Variants in CDR2L observed in about 807,000 individuals in gnomAD.
CDR2L encodes cerebellar degeneration related protein 2 like, also known as cerebellar degeneration-related protein 2-like.
A neutral mutation model predicts 36.1 loss-of-function variants in CDR2L; 19 were observed. That is an observed-to-expected ratio of 0.53 (90% CI 0.37 to 0.77). CDR2L has a LOEUF of 0.77. Ranked by LOEUF, CDR2L falls within the 30% of genes least tolerant of loss-of-function variation. CDR2L has a pLI of 0.00. For missense variants in CDR2L, 575 were observed against 627.2 expected, an observed-to-expected ratio of 0.92 and a Z score of 0.89; for synonymous variants, 285 against 280.4, an observed-to-expected ratio of 1.02 and a Z score of -0.16.
chr17:75,002,309 G>A lies in CDR2L; in HGVS notation c.506+81G>A. On this transcript the variant is annotated intron_variant, in intron 4 of 4. Coordinates refer to ENST00000337231, the MANE Select transcript of CDR2L (RefSeq NM_014603.3). This position sits in a 1 kb window ranked among gnomAD's most constrained non-coding sequence, Gnocchi z 4.1. ...AGGCAGCAGGCAGCAGGGTGCAGTT[G>A]GTGCATCATCCAGGCCATCAGAGAG... is the stretch of plus-strand genomic sequence containing the variant. 1 of 1,292,546 alleles carries A rather than the reference G, an allele frequency of 7.7e-7. No homozygotes were observed. The highest frequency in any genetic ancestry group is 1.1e-6 in the Non-Finnish European group (1 of 929,262). 80.1% of individuals were successfully genotyped at this position (1,292,546 alleles called of 1,614,324 possible). A position where few individuals can be genotyped will look rare whatever the true frequency, so the allele number is the denominator to read the frequency against.
At chr17:74,994,133 A>G (rs2039811990) in intron 1 of CDR2L, among the ~76,000 whole-genome samples, 1 of 152,140 alleles carries the variant, frequency 6.6e-6, no homozygotes, top group South Asian at 2.1e-4. Context: ...CTCCCCAGCT[A>G]TTATTTCTCA....
intron 1 of CDR2L, among the ~76,000 whole-genome samples, chr17:74,995,596 C>T (rs2039820228): frequency 6.6e-6 from 1 of 152,092 alleles, no homozygotes; most frequent in African/African-American, 2.4e-5. Context: ...AACCTGTTTC[C>T]CAGGTTCAAG....
At chr17:74,990,800 C>A (rs2039792088) in intron 1 of CDR2L, among the ~76,000 whole-genome samples, 1 of 152,242 alleles carries the variant, frequency 6.6e-6, no homozygotes, top group African/African-American at 2.4e-5. Context: ...GAGCACGGGC[C>A]AAAGGCCAGC....
At chr17:74,993,616 T>G (rs2039809400) in intron 1 of CDR2L, among the ~76,000 whole-genome samples, 1 of 152,232 alleles carries the variant, frequency 6.6e-6, no homozygotes, top group Admixed American at 6.5e-5. Context: ...AACTAGTTTT[T>G]TCTTGGCATC....
At position 75,003,164 on chromosome 17, in the gene CDR2L, G is replaced by A; in HGVS notation, c.507-19G>A. 1 of 1,554,060 alleles carries A rather than the reference G, an allele frequency of 6.4e-7. No individual in the cohort carries two copies. The highest frequency in any genetic ancestry group is 8.7e-7 in the Non-Finnish European group (1 of 1,149,804). ...CTCTCCTCCGCCCCCACCCCGCTGC[G>A]ACTCTCACTACCCGCCAGGTGCAAG... On this transcript the variant is annotated intron_variant, in intron 4 of 4. Coordinates refer to ENST00000337231, the MANE Select transcript of CDR2L (RefSeq NM_014603.3).
chr17:75,003,465 C>G lies in CDR2L; in HGVS notation c.789C>G (p.Tyr263Ter). 6.4e-7 allele frequency: 1 copy of G among 1,573,924 alleles called. No homozygotes were observed. The highest frequency in any genetic ancestry group is 8.6e-7 in the Non-Finnish European group (1 of 1,160,802). ...ELQQMKQAKT[Y>*]LLGPDDHLAE... The stretch of plus-strand genomic sequence containing the variant: ...AGCAGATGAAGCAGGCCAAGACCTA[C>G]CTACTGGGTCCGGACGACCACCTGG... Residue 263 changes from tyrosine (Y) to a stop codon, truncating the protein, a stop_gained, in exon 5 of 5, where the codon TAC becomes TAG. Transcript: ENST00000337231. LOFTEE classifies it high-confidence loss of function.
Position 75,003,567 on chromosome 17 carries a change from C to A in CDR2L, c.891C>A (p.Gly297=), listed in dbSNP as rs769287976. Residue 297 remains glycine, a synonymous_variant, in exon 5 of 5, where the codon GGC becomes GGA. Coordinates refer to ENST00000337231, the MANE Select transcript of CDR2L (RefSeq NM_014603.3). ...AGCCCGGCCGCGGGGACGACTTGGG[C>A]GCCCAGGACGGGGTCTCCTCACCGG... ...DPQPGRGDDL[G]AQDGVSSPAA... 2.3e-5 allele frequency: 34 copies of A among 1,509,508 alleles called. 1 individual carries two copies. The South Asian group carries it at 3.8e-4, about 17-fold the overall frequency. 93.5% of individuals were successfully genotyped at this position (1,509,508 alleles called of 1,614,324 possible). A position where few individuals can be genotyped will look rare whatever the true frequency, so the allele number is the denominator to read the frequency against.
chr17:74,993,327 G>A lies in CDR2L; in HGVS notation c.79+5205G>A, dbSNP rs558928390. Among the ~76,000 whole-genome samples the A allele has an allele frequency of 7.2e-5, 11 of 152,064 alleles. No individual in the cohort carries two copies. In the South Asian group the frequency reaches 2.1e-3, roughly 29 times the overall value. On this transcript the variant is annotated intron_variant, in intron 1 of 4. Transcript: ENST00000337231. ...GAGTCTTGGTCCATCGCCCAGGCTG[G>A]AGTTCAGTGGCACAATCTTGGCTCA... is the stretch of plus-strand genomic sequence containing the variant.
At position 74,993,253 on chromosome 17, in the gene CDR2L, C is replaced by T. The variant is rs183652468; in HGVS notation, c.79+5131C>T. On this transcript the variant is annotated intron_variant, in intron 1 of 4. Transcript: ENST00000337231. Reference sequence around the variant, plus strand: ...CTGAGTCCTGAGTTACTGCCATGCGCACAATATAGTACAGGGCTGTAGTTC... The same window carrying T: ...CTGAGTCCTGAGTTACTGCCATGCGTACAATATAGTACAGGGCTGTAGTTC... Among the ~76,000 whole-genome samples the T allele has an allele frequency of 6.0e-4, 91 of 152,008 alleles. 1 individual carries two copies. Among genetic ancestry groups the T allele is most frequent in the Middle Eastern group, 6.8e-3 (2 of 292 alleles).
intron 1 of CDR2L, among the ~76,000 whole-genome samples, chr17:74,991,704 G>A (rs557718056): frequency 1.3e-4 from 19 of 148,456 alleles, no homozygotes; most frequent in East Asian, 1.0e-3. Context: ...GCGACAGAGT[G>A]AGACTCTGTC....
chr17:75,000,262 G>A (rs1394046942), intron 2 of CDR2L, among the ~76,000 whole-genome samples: 4 of 151,814 alleles, frequency 2.6e-5, no homozygotes, highest in African/African-American at 4.8e-5. Flanking sequence ...GCAACAGAGC[G>A]AGACCCTGTC....
chr17:74,993,669 A>G (rs1173376755), intron 1 of CDR2L, among the ~76,000 whole-genome samples: 1 of 152,208 alleles, frequency 6.6e-6, no homozygotes, highest in Non-Finnish European at 1.5e-5. Flanking sequence ...GTTCTTACCT[A>G]TGATTTACAT....
In CDR2L at chr17:75,003,655, G is replaced by T. The variant is rs1474074423; in HGVS notation, c.979G>T (p.Ala327Ser). ...CGACACTGCGCTCAACGCCATCGTG[G>T]CCAAAGACCCAGCCAGCCGGCACGC... ...CSDTALNAIV[A>S]KDPASRHAGN... is the part of the protein sequence containing the mutation. The change falls in exon 5 of 5, where the codon GCC (alanine) becomes TCC (serine). Residue 327 changes from alanine to serine, a missense_variant. Physicochemically the swap from Ala to Ser is moderately conservative, Grantham distance 99. Coordinates refer to ENST00000337231, the MANE Select transcript of CDR2L (RefSeq NM_014603.3). 6.9e-7 allele frequency: 1 copy of T among 1,458,568 alleles called. No homozygotes were observed. The highest frequency in any genetic ancestry group is 2.5e-5 in the East Asian group (1 of 40,140). The allele number at this position is 1,458,568 out of a possible 1,614,324, so 90.4% of individuals were successfully genotyped here.
rs934092517 is a variant in CDR2L, at chr17:75,004,527, C to A, written c.*453C>A. 6.4e-6 allele frequency: 1 copy of A among 157,028 alleles called. No homozygotes were observed. The highest frequency in any genetic ancestry group is 2.4e-5 in the African/African-American group (1 of 41,434). The allele number at this position is 157,028 out of a possible 1,614,324, so 9.7% of individuals were successfully genotyped here. Reference sequence around the variant, plus strand: ...AACTGGAAACACTTGAAAGGGGACCCCAGGGCCAGCTGTTTCAGGGGTTTC... The same window carrying A: ...AACTGGAAACACTTGAAAGGGGACCACAGGGCCAGCTGTTTCAGGGGTTTC... On this transcript the variant is annotated 3_prime_UTR_variant, in exon 5 of 5. Coordinates refer to ENST00000337231, the MANE Select transcript of CDR2L (RefSeq NM_014603.3).
At position 74,988,137 on chromosome 17, in the gene CDR2L, G is replaced by A; in HGVS notation, c.79+15G>A. The A allele has an allele frequency of 6.6e-7, 1 of 1,515,764 alleles. No individual in the cohort carries two copies. The highest frequency in any genetic ancestry group is 8.9e-7 in the Non-Finnish European group (1 of 1,129,818). The allele number at this position is 1,515,764 out of a possible 1,614,324, so 93.9% of individuals were successfully genotyped here. A position where few individuals can be genotyped will look rare whatever the true frequency, so the allele number is the denominator to read the frequency against. Reference sequence around the variant, plus strand: ...CCTGGAGCAGGGTGAGCGCGGGGGCGACCGGGACAGGAAGGCGGGGAGCGC... The same window carrying A: ...CCTGGAGCAGGGTGAGCGCGGGGGCAACCGGGACAGGAAGGCGGGGAGCGC... On this transcript the variant is annotated intron_variant, in intron 1 of 4. Transcript: ENST00000337231.
rs1275552125 is a variant in CDR2L at position 75,002,436 on chromosome 17, G to T, written c.506+208G>T. On this transcript the variant is annotated intron_variant, in intron 4 of 4. Coordinates refer to ENST00000337231, the MANE Select transcript of CDR2L (RefSeq NM_014603.3). This position sits in a 1 kb window ranked among gnomAD's most constrained non-coding sequence, Gnocchi z 4.1. ...ATAATTCTTATTGCAACACTGTTGG[G>T]GGTGTTTTATTATGCCTACTCTCCA... is the stretch of plus-strand genomic sequence containing the variant. Among the ~76,000 whole-genome samples the T allele has an allele frequency of 1.3e-5, 2 of 152,170 alleles. No individual in the cohort carries two copies. The highest frequency in any genetic ancestry group is 2.4e-5 in the African/African-American group (1 of 41,438).
At chr17:75,000,822 G>A (rs1241895179) in intron 2 of CDR2L, among the ~76,000 whole-genome samples, 2 of 151,430 alleles carry the variant, frequency 1.3e-5, no homozygotes, top group African/African-American at 4.9e-5. Flanking sequence ...GCTGAGGCAG[G>A]AGAATGGTTG....
chr17:74,988,869 G>C (rs965981381), intron 1 of CDR2L, among the ~76,000 whole-genome samples: 2 of 152,172 alleles, frequency 1.3e-5, no homozygotes, highest in South Asian at 4.1e-4. Flanking sequence ...GACTGGAAGG[G>C]GGTTAGAAGC....
rs189610701 is a variant in CDR2L, at chr17:74,999,871, G to A, written c.192+255G>A. ...TTGCCCAGGCTGGTCTCTAACTCCT[G>A]AGCTCAAGTGATCCTCCCACCTCAG... On this transcript the variant is annotated intron_variant, in intron 2 of 4. Coordinates refer to ENST00000337231, the MANE Select transcript of CDR2L (RefSeq NM_014603.3). 1.8e-3 allele frequency among the ~76,000 whole-genome samples: 268 copies of A among 151,396 alleles called. 3 individuals are homozygous for A. Among genetic ancestry groups the A allele is most frequent in the African/African-American group, 6.0e-3 (247 of 41,224 alleles).
Sources: gnomAD v4.1 joint callset for allele counts (sites outside exome capture counted in the v4.1 genomes callset) on GRCh38, gnomAD v4.1.1 for gene constraint, Gnocchi (gnomAD v3.1) non-coding constraint, MANE v1.5 for transcripts, NCBI Gene and HGNC (gene_info 2026-07-23, HGNC 2026-07-21) for gene names.